Variants in FXN observed in about 807,000 individuals in gnomAD.
The protein encoded by FXN is frataxin, mitochondrial.
A neutral mutation model predicts 22.4 loss-of-function variants in FXN; 14 were observed. That is an observed-to-expected ratio of 0.62 (90% CI 0.41 to 0.98). The LOEUF is 0.98. FXN is among the 50% of genes least tolerant of loss of function. The probability of loss-of-function intolerance (pLI) is 0.00; values close to 1 mark genes in which losing one functional copy is unlikely to be tolerated. For missense variants in FXN, 267 were observed against 268.4 expected (o/e 0.99, Z 0.04); for synonymous variants, 120 against 114.1 (o/e 1.05, Z -0.33).
In FXN at chr9:69,072,978, G is replaced by T; in HGVS notation, c.*216G>T. ...TTTTAATTTCTATGGAAGATTTTTT[G>T]GATTGTCGGATTTCCTCCCTCACAT... On this transcript the variant is annotated 3_prime_UTR_variant, in exon 5 of 5. Coordinates refer to ENST00000484259, the MANE Select transcript of FXN (RefSeq NM_000144.5). 2 of 1,431,760 alleles carry T rather than the reference G, an allele frequency of 1.4e-6. No individual in the cohort carries two copies. Among genetic ancestry groups the T allele is most frequent in the South Asian group, 1.5e-5 (1 of 65,242 alleles). The allele number at this position is 1,431,760 out of a possible 1,614,324, so 88.7% of individuals were successfully genotyped here. A position where few individuals can be genotyped will look rare whatever the true frequency, so the allele number is the denominator to read the frequency against.
chr9:69,053,273 T>C lies in FXN; in HGVS notation c.384+13T>C. 6.2e-7 allele frequency: 1 copy of C among 1,613,176 alleles called. No homozygotes were observed. Among genetic ancestry groups the C allele is most frequent in the Non-Finnish European group, 8.5e-7 (1 of 1,179,422 alleles). The stretch of plus-strand genomic sequence containing the variant: ...TGTCTCCTTTGGGGTACCTCTTGAC[T>C]TCTTTTATTTTTCTGTTTCCCCCTC... On this transcript the variant is annotated intron_variant, in intron 3 of 4. Coordinates refer to ENST00000484259, the MANE Select transcript of FXN (RefSeq NM_000144.5).
intron 4 of FXN, among the ~76,000 whole-genome samples, chr9:69,070,330 G>GAT (rs1053004033): frequency 8.5e-5 from 13 of 152,334 alleles, no homozygotes; most frequent in African/African-American, 3.1e-4. Context: ...GACCACAATG[G>GAT]GAAGAAACCA....
intron 1 of FXN, among the ~76,000 whole-genome samples, chr9:69,038,719 G>A (rs1831605053): frequency 6.6e-6 from 1 of 151,954 alleles, no homozygotes; most frequent in Non-Finnish European, 1.5e-5. Flanking sequence ...TCGGGAGGCT[G>A]AGGCATGAGA....
At chr9:69,067,092 T>G (rs1322525494) in intron 4 of FXN, among the ~76,000 whole-genome samples, 1 of 152,194 alleles carries the variant, frequency 6.6e-6, no homozygotes, top group Non-Finnish European at 1.5e-5. Flanking sequence ...TCTCAGTGCT[T>G]CTGTGGGAAG....
rs112046543 is a variant in FXN at position 69,073,830 on chromosome 9, T to A, written c.*1068T>A. The A allele has an allele frequency of 6.0e-4, 595 of 985,332 alleles. 3 individuals carry two copies. The African/African-American group carries it at 9.3e-3, about 15-fold the overall frequency. The allele number at this position is 985,332 out of a possible 1,614,324, so 61.0% of individuals were successfully genotyped here. On this transcript the variant is annotated 3_prime_UTR_variant, in exon 5 of 5. Coordinates refer to ENST00000484259, the MANE Select transcript of FXN (RefSeq NM_000144.5). ...GACAAAGAACAGTTTTTAAGCTATA[T>A]AGGAAACATTGTTATTGGTGTTGCC... is the stretch of plus-strand genomic sequence containing the variant.
chr9:69,061,980 G>A (rs1405752583), intron 3 of FXN, among the ~76,000 whole-genome samples: 1 of 152,196 alleles, frequency 6.6e-6, no homozygotes, highest in Non-Finnish European at 1.5e-5. Context: ...CTCTGTATGA[G>A]AGGAGTGGGA....
chr9:69,059,700 C>A (rs1344167147), intron 3 of FXN, among the ~76,000 whole-genome samples: 1 of 152,056 alleles, frequency 6.6e-6, no homozygotes, highest in African/African-American at 2.4e-5. Context: ...GTCACTGTTC[C>A]TGGCCCAGTG....
rs764728893 is a variant in FXN, at chr9:69,072,594, A to G, written c.483-18A>G. The G allele has an allele frequency of 3.7e-6, 6 of 1,613,990 alleles. No individual in the cohort carries two copies. The highest frequency in any genetic ancestry group is 5.1e-6 in the Non-Finnish European group (6 of 1,180,014). On this transcript the variant is annotated intron_variant, in intron 4 of 4. Transcript: ENST00000484259. The stretch of plus-strand genomic sequence containing the variant: ...GGGCTGTGCTGTGGAATTACTATGC[A>G]TTTGTTTTGTCTTCCAGTGGACCTA...
Position 69,046,395 on chromosome 9 carries a change from A to G in FXN, c.176A>G (p.Gln59Arg). ...AACTTTGGCTTTCAGAGTTCGAACC[A>G]ACGTGGCCTCAACCAGATTTGGAAT... ...TCTPRRASSN[Q>R]RGLNQIWNVK... Residue 59 changes from glutamine to arginine, a missense_variant, in exon 2 of 5, where the codon CAA (glutamine) becomes CGA (arginine). Gln to Arg is a conservative substitution (Grantham distance 43, BLOSUM62 1). Transcript: ENST00000484259. 1.2e-6 allele frequency: 2 copies of G among 1,614,068 alleles called. No individual in the cohort carries two copies. Among genetic ancestry groups the G allele is most frequent in the South Asian group, 1.1e-5 (1 of 91,072 alleles).
In FXN at chr9:69,077,758, C is replaced by G; in HGVS notation, c.*4996C>G. 1.5e-6 allele frequency: 1 copy of G among 678,542 alleles called. No individual in the cohort carries two copies. The highest frequency in any genetic ancestry group is 1.8e-6 in the Non-Finnish European group (1 of 549,878). The allele number at this position is 678,542 out of a possible 1,614,324, so 42.0% of individuals were successfully genotyped here. ...CAGCCTGGTCAACATGGTAAAACCCCGCCTCTACTAAAAATACAAAAATTA... is the reference window on the plus strand; with the variant it reads ...CAGCCTGGTCAACATGGTAAAACCCGGCCTCTACTAAAAATACAAAAATTA... On this transcript the variant is annotated 3_prime_UTR_variant, in exon 5 of 5. Coordinates refer to ENST00000484259, the MANE Select transcript of FXN (RefSeq NM_000144.5).
At chr9:69,063,725 C>G (rs1434547563) in intron 3 of FXN, among the ~76,000 whole-genome samples, 2 of 152,138 alleles carry the variant, frequency 1.3e-5, no homozygotes, top group Middle Eastern at 3.4e-3. Context: ...TCTCTGTCGC[C>G]CAGTCTGGTG....
chr9:69,059,873 G>A lies in FXN; in HGVS notation c.385-5065G>A, dbSNP rs117950541. Among the ~76,000 whole-genome samples, 424 of 152,282 alleles carry A rather than the reference G, an allele frequency of 2.8e-3. 4 individuals are homozygous for A. The highest frequency in any genetic ancestry group is 0.027 in the Middle Eastern group (8 of 294). The stretch of plus-strand genomic sequence containing the variant: ...CCTCCTCTCTTCAGATTTATAAGAG[G>A]ATCAATTAAAATGGCATAGGTAAAA... On this transcript the variant is annotated intron_variant, in intron 3 of 4. Transcript: ENST00000484259.
intron 3 of FXN, among the ~76,000 whole-genome samples, chr9:69,061,270 G>A (rs116141783): frequency 0.016 from 2,405 of 152,188 alleles, 60 homozygotes; most frequent in African/African-American, 0.054. Context: ...ACGCAAGTGC[G>A]GAGACCTTGA....
chr9:69,071,141 GGTCTA>G, intron 4 of FXN: 3 of 518,540 alleles, frequency 5.8e-6, no homozygotes, highest in Non-Finnish European at 1.2e-5. Context: ...AGTGTGGAGG[GGTCTA>G]GAGGTTACTC....
intron 1 of FXN, among the ~76,000 whole-genome samples, chr9:69,040,289 C>T (rs1231441364): frequency 6.6e-6 from 1 of 152,250 alleles, no homozygotes; most frequent in Non-Finnish European, 1.5e-5. Flanking sequence ...GCCTAACAAG[C>T]AGGTTATACC....
In FXN at chr9:69,074,523, A is replaced by G; in HGVS notation, c.*1761A>G. 1.1e-6 allele frequency: 1 copy of G among 944,020 alleles called. No homozygotes were observed. The highest frequency in any genetic ancestry group is 1.2e-6 in the Non-Finnish European group (1 of 813,204). The allele number at this position is 944,020 out of a possible 1,614,324, so 58.5% of individuals were successfully genotyped here. The stretch of plus-strand genomic sequence containing the variant: ...CGACAGAGCGAGACTCCGTCTCAAA[A>G]AAAAAAAAAAGGAGGGTTTATTAAT... On this transcript the variant is annotated 3_prime_UTR_variant, in exon 5 of 5. Transcript: ENST00000484259.
At position 69,072,937 on chromosome 9, in the gene FXN, G is replaced by GCCC; in HGVS notation, c.*178_*180dup. 1 of 1,457,594 alleles carries GCCC rather than the reference G, an allele frequency of 6.9e-7. No homozygotes were observed. Among genetic ancestry groups the GCCC allele is most frequent in the Non-Finnish European group, 9.0e-7 (1 of 1,114,040 alleles). 90.3% of individuals were successfully genotyped at this position (1,457,594 alleles called of 1,614,324 possible). ...GAAAGAATGTGTTGCCTCCTACCTT[G>GCCC]CCCCCAAGTTCTGATTTTTAATTTC... On this transcript the variant is annotated 3_prime_UTR_variant, in exon 5 of 5. Transcript: ENST00000484259.
chr9:69,041,529 G>T (rs2133095771), intron 1 of FXN, among the ~76,000 whole-genome samples: 1 of 152,334 alleles, frequency 6.6e-6, no homozygotes, highest in African/African-American at 2.4e-5. Context: ...GAATGGAATT[G>T]CTGGGCAAAG....
At position 69,064,965 on chromosome 9, in the gene FXN, G is replaced by A. The variant is rs775491351; in HGVS notation, c.412G>A (p.Gly138Arg). The change falls in exon 4 of 5, where the codon GGA becomes AGA. Residue 138 changes from glycine to arginine, a missense_variant. Gly to Arg is a moderately radical substitution (Grantham distance 125). Transcript: ENST00000484259. ...GSGVLTVKLGGDLGTYVINKQ... is the reference protein window; with the variant it reads ...GSGVLTVKLGRDLGTYVINKQ... ...TGGTGTCTTAACTGTCAAACTGGGTGGAGATCTAGGAACCTATGTGATCAA... is the reference window on the plus strand; with the variant it reads ...TGGTGTCTTAACTGTCAAACTGGGTAGAGATCTAGGAACCTATGTGATCAA... 1.4e-5 allele frequency: 22 copies of A among 1,613,654 alleles called. No homozygotes were observed. The highest frequency in any genetic ancestry group is 2.5e-6 in the Non-Finnish European group (3 of 1,179,724).
Sources: allele counts gnomAD v4.1 joint callset (sites outside exome capture counted in the v4.1 genomes callset), GRCh38; gene constraint gnomAD v4.1.1; transcripts MANE v1.5; gene names NCBI Gene and HGNC (gene_info 2026-07-23, HGNC 2026-07-21).